Variants in CLPX observed in about 807,000 individuals in gnomAD.
CLPX encodes the protein caseinolytic mitochondrial matrix peptidase chaperone subunit X.
Under a neutral mutation model 76.4 loss-of-function variants are expected in CLPX, and 34 were observed. That is an observed-to-expected ratio of 0.45 (90% CI 0.34 to 0.59). The LOEUF is 0.59. CLPX is among the 20% of genes least tolerant of loss of function. CLPX has a pLI of 0.01. For synonymous variants in CLPX, 248 were observed against 270.9 expected, an observed-to-expected ratio of 0.92 and a Z score of 0.83; for missense variants, 613 against 757.0, an observed-to-expected ratio of 0.81 and a Z score of 2.23.
chr15:65,166,716 T>C lies in CLPX; in HGVS notation c.428A>G (p.Lys143Arg), dbSNP rs2087919321. The C allele has an allele frequency of 1.2e-6, 2 of 1,614,140 alleles. No homozygotes were observed. Among genetic ancestry groups the C allele is most frequent in the African/African-American group, 2.7e-5 (2 of 75,054 alleles). Residue 143 changes from lysine to arginine, a missense_variant, in exon 4 of 14, where the codon AAG becomes AGG. Transcript: ENST00000300107. ...TTCAGGTTCTTTAATTATGCTTTTC[T>C]TTGAGTCTGCTTCAGATAGCACAAC... Reference protein sequence around the residue: ...FFVVLSEADSKKSIIKEPESA... With the variant: ...FFVVLSEADSRKSIIKEPESA...
chr15:65,162,086 C>T (rs1255164748), intron 6 of CLPX, among the ~76,000 whole-genome samples: 1 of 152,166 alleles, frequency 6.6e-6, no homozygotes, highest in African/African-American at 2.4e-5. Context: ...CAGCAACTAA[C>T]TATATCCACC....
At chr15:65,178,900 G>C in intron 3 of CLPX, 34 bp downstream of exon 3, 1 of 1,167,966 alleles carries the variant, frequency 8.6e-7, no homozygotes, top group Non-Finnish European at 1.2e-6. Flanking sequence ...AGAAAATGTA[G>C]GGAAAAAAGA....
intron 3 of CLPX, among the ~76,000 whole-genome samples, chr15:65,167,796 G>A (rs542488186): frequency 6.6e-6 from 1 of 151,890 alleles, no homozygotes; most frequent in East Asian, 1.9e-4. Flanking sequence ...GCTGAGGCAG[G>A]AGAATCGCTT....
intron 7 of CLPX, chr15:65,158,202 T>C: frequency 6.5e-6 from 2 of 306,964 alleles, no homozygotes; most frequent in South Asian, 1.2e-4. Context: ...CTTTATTTTT[T>C]ATAGAGATAG....
chr15:65,158,684 T>C lies in CLPX; in HGVS notation c.783A>G (p.Val261=). 1 of 1,613,986 alleles carries C rather than the reference T, an allele frequency of 6.2e-7. No individual in the cohort carries two copies. ...GTTTTTCCTGAGGTATTTGTTGATT[T>C]ACCTGTTGCTGCATTGATGCTCCTA... ...NALGASMQQQ[V]NQQIPQEKRG... The change falls in exon 7 of 14, where the codon GTA becomes GTG. Residue 261 remains valine, a synonymous_variant. Transcript: ENST00000300107.
At chr15:65,183,250 C>G (rs2088202073) in intron 1 of CLPX, among the ~76,000 whole-genome samples, 2 of 151,804 alleles carry the variant, frequency 1.3e-5, no homozygotes, top group Admixed American at 6.6e-5. Flanking sequence ...ATCACAAGAT[C>G]AGGAGATCGA....
intron 1 of CLPX, 86 bp from the exon 2 acceptor site, chr15:65,180,290 T>A: frequency 9.5e-7 from 1 of 1,049,156 alleles, no homozygotes; most frequent in Non-Finnish European, 1.4e-6. Context: ...ATAAAGGAGG[T>A]TGAAAAAAAG....
chr15:65,164,012 A>G lies in CLPX; in HGVS notation c.673+17T>C, dbSNP rs778132912. 16 of 1,608,946 alleles carry G rather than the reference A, an allele frequency of 9.9e-6. No homozygotes were observed. In the African/African-American group the frequency reaches 1.1e-4, roughly 11 times the overall value. Reference sequence around the variant, plus strand: ...AGCATAGCAATCTCTATTTAGGTCAATTATCAAAAACGCTACCTCTTGGTG... The same window carrying G: ...AGCATAGCAATCTCTATTTAGGTCAGTTATCAAAAACGCTACCTCTTGGTG... On this transcript the variant is annotated intron_variant, in intron 5 of 13. Coordinates refer to ENST00000300107, the MANE Select transcript of CLPX (RefSeq NM_006660.5).
chr15:65,157,559 T>G (rs1002965467), intron 8 of CLPX, among the ~76,000 whole-genome samples, 187 bp downstream of exon 8: 1 of 152,202 alleles, frequency 6.6e-6, no homozygotes, highest in African/African-American at 2.4e-5. Flanking sequence ...CCAGCCAGCT[T>G]AGTGACAATA....
At chr15:65,178,313 C>G (rs1026156653) in intron 3 of CLPX, among the ~76,000 whole-genome samples, 3 of 152,166 alleles carry the variant, frequency 2.0e-5, no homozygotes, top group African/African-American at 7.2e-5. Flanking sequence ...ATGATCACAT[C>G]CAGAAATTCA....
chr15:65,163,498 C>G (rs543723840), intron 5 of CLPX, among the ~76,000 whole-genome samples: 3 of 152,126 alleles, frequency 2.0e-5, no homozygotes, highest in Admixed American at 2.0e-4. Context: ...TTGGGGCTGT[C>G]TGGCCAACAA....
chr15:65,152,908 G>T (rs560162846), intron 12 of CLPX, among the ~76,000 whole-genome samples: 2,272 of 148,760 alleles, frequency 0.015, 37 homozygotes, highest in African/African-American at 0.047. Flanking sequence ...CTTTTTTTTT[G>T]TTTGTTTGTT....
chr15:65,155,948 G>C, intron 9 of CLPX, 92 bp from the exon 10 acceptor site: 1 of 1,114,994 alleles, frequency 9.0e-7, no homozygotes, highest in Non-Finnish European at 1.3e-6. Context: ...AAAACAATAT[G>C]TGATTATAGT....
At position 65,149,724 on chromosome 15, in the gene CLPX, G is replaced by A. The variant is rs2087696528; in HGVS notation, c.*1099C>T. On this transcript the variant is annotated 3_prime_UTR_variant, in exon 14 of 14. Transcript: ENST00000300107. Reference sequence around the variant, plus strand: ...AAAATACAAAAATTAGCCAGGTGTGGTGGTGCGTGCCTATAATCCCAGCTA... The same window carrying A: ...AAAATACAAAAATTAGCCAGGTGTGATGGTGCGTGCCTATAATCCCAGCTA... 3.4e-6 allele frequency: 1 copy of A among 294,676 alleles called. No individual in the cohort carries two copies. The highest frequency in any genetic ancestry group is 6.7e-6 in the Non-Finnish European group (1 of 149,826). The allele number at this position is 294,676 out of a possible 1,614,324, so 18.3% of individuals were successfully genotyped here.
intron 3 of CLPX, among the ~76,000 whole-genome samples, chr15:65,178,062 G>A (rs535597070): frequency 2.6e-5 from 4 of 152,262 alleles, no homozygotes; most frequent in Non-Finnish European, 5.9e-5. Context: ...TGAAAGTGCT[G>A]GGATTACAGG....
At chr15:65,168,107 T>G (rs1234783826) in intron 3 of CLPX, among the ~76,000 whole-genome samples, 3 of 151,652 alleles carry the variant, frequency 2.0e-5, no homozygotes, top group African/African-American at 7.3e-5. Context: ...TAAAAATTTT[T>G]GGCCAGGCAT....
intron 1 of CLPX, among the ~76,000 whole-genome samples, chr15:65,181,742 C>T (rs972953549): frequency 2.1e-5 from 3 of 141,234 alleles, no homozygotes; most frequent in African/African-American, 8.0e-5. Context: ...GAGCGAGGCT[C>T]TGTCGCAAAA....
Position 65,155,784 on chromosome 15 carries a change from T to C in CLPX, c.1219A>G (p.Thr407Ala), listed in dbSNP as rs1320556840. The change falls in exon 10 of 14, where the codon ACA becomes GCA. Residue 407 changes from threonine to alanine, a missense_variant. Thr to Ala is a moderately conservative substitution (Grantham distance 58). Around this residue, in one of 2 missense-constraint regions of CLPX, gnomAD observed 450 missense variants for 638.6 expected, o/e 0.70. Coordinates refer to ENST00000300107, the MANE Select transcript of CLPX (RefSeq NM_006660.5). ...EKNSRKLRGE[T>A]VQVDTTNILF... is the part of the protein sequence containing the mutation. ...ATGTTTGTTGTATCAACTTGAACTG[T>C]TTCTCCACGGAGCTTTCGGGAATTC... 6.2e-7 allele frequency: 1 copy of C among 1,614,080 alleles called. No individual in the cohort carries two copies. Among genetic ancestry groups the C allele is most frequent in the Non-Finnish European group, 8.5e-7 (1 of 1,179,930 alleles).
intron 3 of CLPX, among the ~76,000 whole-genome samples, chr15:65,169,859 C>G (rs778533752): frequency 6.6e-6 from 1 of 151,494 alleles, no homozygotes; most frequent in Non-Finnish European, 1.5e-5. Flanking sequence ...CTCCAGGGTT[C>G]AAGCAATTCT....
Sources: allele counts gnomAD v4.1 joint callset (sites outside exome capture counted in the v4.1 genomes callset), GRCh38; gene constraint gnomAD v4.1.1; regional missense constraint gnomAD v4.1.1; transcripts MANE v1.5; gene names NCBI Gene and HGNC (gene_info 2026-07-23, HGNC 2026-07-21).